Variants in INTS4 observed in about 807,000 individuals in gnomAD.
The protein encoded by INTS4 is MSTP093.
In INTS4, 70 loss-of-function variants were observed where a neutral mutation model predicts 119.5. The observed-to-expected ratio is 0.59, with a 90% CI of 0.48 to 0.71. INTS4 has a LOEUF of 0.71. Among genes scored for constraint, INTS4 ranks in the 30% least tolerant of loss-of-function variants. The pLI is 0.00. For synonymous variants in INTS4, 316 were observed against 419.6 expected, an observed-to-expected ratio of 0.75 and a Z score of 3.02; for missense variants, 867 against 1,173.2, an observed-to-expected ratio of 0.74 and a Z score of 3.81.
chr11:77,957,368 G>A (rs1381005873), intron 7 of INTS4, among the ~76,000 whole-genome samples: 1 of 151,820 alleles, frequency 6.6e-6, no homozygotes, highest in Non-Finnish European at 1.5e-5. Context: ...ACCCAACATG[G>A]CAAAACCTCA....
At chr11:77,949,871 A>G (rs1954144919) in intron 8 of INTS4, among the ~76,000 whole-genome samples, 1 of 152,160 alleles carries the variant, frequency 6.6e-6, no homozygotes, top group African/African-American at 2.4e-5. Context: ...TACTGGGTAT[A>G]TACCCAAAGG....
intron 15 of INTS4, 112 bp from the exon 16 acceptor site, chr11:77,907,922 T>C: frequency 3.0e-6 from 2 of 658,180 alleles, no homozygotes; most frequent in Non-Finnish European, 5.1e-6. Context: ...GTCATACATT[T>C]TTAAATGACG....
chr11:77,957,660 CTTCT>C (rs1283890969), intron 7 of INTS4, among the ~76,000 whole-genome samples: 6 of 135,878 alleles, frequency 4.4e-5, no homozygotes, highest in South Asian at 2.4e-4. Flanking sequence ...TGTAACTGAA[CTTCT>C]TTTTTTTTTT....
At chr11:77,885,577 G>C (rs1279699556) in intron 21 of INTS4, among the ~76,000 whole-genome samples, 1 of 151,996 alleles carries the variant, frequency 6.6e-6, no homozygotes, top group Non-Finnish European at 1.5e-5. Flanking sequence ...CCAGCACTTT[G>C]GGAGGCTGAG....
chr11:77,966,400 T>G (rs1438642382), intron 4 of INTS4, among the ~76,000 whole-genome samples: 1 of 152,208 alleles, frequency 6.6e-6, no homozygotes, highest in African/African-American at 2.4e-5. Context: ...GAGCTTTCCC[T>G]GTGTTTTCTT....
At chr11:77,900,335 G>A (rs1403640134) in intron 18 of INTS4, among the ~76,000 whole-genome samples, 4 of 151,672 alleles carry the variant, frequency 2.6e-5, no homozygotes, top group Non-Finnish European at 5.9e-5. Flanking sequence ...TCCTGACCTC[G>A]TGATCTGCCC....
At chr11:77,935,506 A>G (rs1041548699) in intron 10 of INTS4, among the ~76,000 whole-genome samples, 4 of 152,188 alleles carry the variant, frequency 2.6e-5, no homozygotes. Flanking sequence ...TCTGTGAGAC[A>G]GAGACCATCT....
chr11:77,982,792 ACTTAAGTGTATG>A (rs1383489988), intron 2 of INTS4, among the ~76,000 whole-genome samples: 16 of 152,206 alleles, frequency 1.1e-4, no homozygotes, highest in African/African-American at 3.6e-4. Flanking sequence ...AGACAAAATT[ACTTAAGTGTATG>A]CTCAAAGGAT....
In INTS4 at chr11:77,977,037, T is replaced by C. The variant is rs537397115; in HGVS notation, c.471+1959A>G. Among the ~76,000 whole-genome samples the C allele has an allele frequency of 7.2e-5, 11 of 151,736 alleles. No homozygotes were observed. The South Asian group carries it at 2.1e-3, about 29-fold the overall frequency. The stretch of plus-strand genomic sequence containing the variant: ...CACATGTATACATATGTAACTAACC[T>C]GCACGTTGTGCACATGTACCCTAAA... On this transcript the variant is annotated intron_variant, in intron 4 of 22. Coordinates refer to ENST00000534064, the MANE Select transcript of INTS4 (RefSeq NM_033547.4).
At position 77,964,709 on chromosome 11, in the gene INTS4, T is replaced by TGAGGAAGGGCAAGTGGAGG. The variant is rs1855418172; in HGVS notation, c.472-3590_472-3572dup. ...ACAAATGGAAGGAAGGAGGAAGGAA[T>TGAGGAAGGGCAAGTGGAGG]GAGGAAGGGCAAGTGGAGGGAGGAA... On this transcript the variant is annotated intron_variant, in intron 4 of 22. Coordinates refer to ENST00000534064, the MANE Select transcript of INTS4 (RefSeq NM_033547.4). 3.4e-5 allele frequency among the ~76,000 whole-genome samples: 5 copies of TGAGGAAGGGCAAGTGGAGG among 145,592 alleles called. No homozygotes were observed. The South Asian group carries it at 1.1e-3, about 32-fold the overall frequency.
At chr11:77,993,914 A>G (rs1374170766) in intron 1 of INTS4, among the ~76,000 whole-genome samples, 2 of 152,096 alleles carry the variant, frequency 1.3e-5, no homozygotes, top group African/African-American at 4.8e-5. Flanking sequence ...CATCAGGATG[A>G]TTTAGGATCA....
chr11:77,946,765 A>AC lies in INTS4; in HGVS notation c.919-5515_919-5514insG, dbSNP rs576268633. On this transcript the variant is annotated intron_variant, in intron 8 of 22. Transcript: ENST00000534064. ...GACAGAGCAAGACCCTGTCTCAAAA[A>AC]AAAAAAAAAGGAAAAAAGTCTCCAA... is the stretch of plus-strand genomic sequence containing the variant. Among the ~76,000 whole-genome samples the AC allele has an allele frequency of 9.9e-5, 15 of 151,826 alleles. No individual in the cohort carries two copies. The East Asian group carries it at 2.9e-3, about 29-fold the overall frequency.
intron 2 of INTS4, among the ~76,000 whole-genome samples, chr11:77,988,214 T>C (rs1275305836): frequency 6.6e-6 from 1 of 152,158 alleles, no homozygotes; most frequent in Non-Finnish European, 1.5e-5. Context: ...TTTACGGAGC[T>C]CAAAGTCTGA....
intron 21 of INTS4, among the ~76,000 whole-genome samples, chr11:77,886,821 A>T (rs1952034214): frequency 6.6e-6 from 1 of 152,152 alleles, no homozygotes; most frequent in South Asian, 2.1e-4. Context: ...ACTACATGGA[A>T]ACTGAACAAC....
In INTS4 at chr11:77,979,001, A is replaced by T; in HGVS notation, c.466T>A (p.Cys156Ser). 1 of 1,596,590 alleles carries T rather than the reference A, an allele frequency of 6.3e-7. No homozygotes were observed. Among genetic ancestry groups the T allele is most frequent in the Non-Finnish European group, 8.6e-7 (1 of 1,164,400 alleles). Residue 156 changes from cysteine to serine, a missense_variant, in exon 4 of 23, where the codon TGC becomes AGC. By Grantham distance (112) the Cys-to-Ser change is moderately radical (BLOSUM62 -1). Transcript: ENST00000534064. ...AIQMRLVDVA[C>S]KHLTDTSHGV... ...AATAGATTTTATACTCTTACCTTGC[A>T]GGCCACATCAACTAATCGCATTTGG...
chr11:77,875,956 C>T (rs1192794521), downstream of INTS4, among the ~76,000 whole-genome samples: 2 of 152,132 alleles, frequency 1.3e-5, no homozygotes, highest in African/African-American at 2.4e-5. Flanking sequence ...CATGAAGAGC[C>T]TTCAAGACAG....
At chr11:77,969,638 C>T (rs1255168939) in intron 4 of INTS4, among the ~76,000 whole-genome samples, 2 of 151,994 alleles carry the variant, frequency 1.3e-5, no homozygotes, top group East Asian at 1.9e-4. Flanking sequence ...CCTCCCAAAG[C>T]GTTAGGACTA....
Position 77,928,495 on chromosome 11 carries a change from G to C in INTS4, c.1218C>G (p.Pro406=). The change falls in exon 11 of 23, where the codon CCC becomes CCG. Residue 406 remains proline (P), a synonymous_variant. Coordinates refer to ENST00000534064, the MANE Select transcript of INTS4 (RefSeq NM_033547.4). ...EALCMLAQSS[P]SFAEKCLDFL... is the part of the protein sequence containing the mutation. ...AATCAAGGCACTTCTCAGCAAAAGA[G>C]GGTGAAGACTGGGCCAACATGCAGA... is the stretch of plus-strand genomic sequence containing the variant. 1 of 1,605,078 alleles carries C rather than the reference G, an allele frequency of 6.2e-7. No individual in the cohort carries two copies. The highest frequency in any genetic ancestry group is 1.3e-5 in the African/African-American group (1 of 74,744).
intron 3 of INTS4, among the ~76,000 whole-genome samples, chr11:77,981,190 CAAA>C (rs35194381): frequency 2.5e-4 from 22 of 88,826 alleles, no homozygotes; most frequent in African/African-American, 5.0e-4. Context: ...AACAAACAAG[CAAA>C]AAAAAAAAAA....
Sources: gnomAD v4.1 joint callset for allele counts (sites outside exome capture counted in the v4.1 genomes callset) on GRCh38, gnomAD v4.1.1 for gene constraint, MANE v1.5 for transcripts, NCBI Gene and HGNC (gene_info 2026-07-23, HGNC 2026-07-21) for gene names.